Variants in AK8 observed in about 807,000 individuals in gnomAD.
The protein encoded by AK8 is adenylate kinase 8.
In AK8, 44 loss-of-function variants were observed where a neutral mutation model predicts 54.6. That is an observed-to-expected ratio of 0.81 (90% confidence interval 0.63 to 1.04). AK8 has a LOEUF of 1.04. AK8 is among the 50% of genes least tolerant of loss of function. AK8 has a pLI of 0.00. For synonymous variants in AK8, 239 were observed against 245.6 expected (o/e 0.97, Z 0.25); for missense variants, 555 against 613.6 (o/e 0.90, Z 1.01).
chr9:132,812,901 C>G, intron 10 of AK8, among the ~76,000 whole-genome samples: 1 of 130,798 alleles, frequency 7.6e-6, no homozygotes, highest in African/African-American at 2.9e-5. Context: ...TCACCTCATT[C>G]TGTGGCCACC....
intron 5 of AK8, among the ~76,000 whole-genome samples, chr9:132,830,055 AG>A (rs998272383): frequency 4.6e-5 from 7 of 152,152 alleles, no homozygotes; most frequent in African/African-American, 1.7e-4. Flanking sequence ...GGTTGTGGGG[AG>A]GGGAACCACA....
intron 2 of AK8, among the ~76,000 whole-genome samples, chr9:132,870,696 C>A (rs779675101): frequency 4.6e-5 from 7 of 152,248 alleles, no homozygotes; most frequent in Non-Finnish European, 8.8e-5. Flanking sequence ...GGCCTTCTTT[C>A]TCTCTACACC....
chr9:132,830,610 T>C (rs1324295297), intron 5 of AK8, among the ~76,000 whole-genome samples: 1 of 152,208 alleles, frequency 6.6e-6, no homozygotes, highest in Non-Finnish European at 1.5e-5. Context: ...CCCCTTGGGG[T>C]CGCATCCTTT....
At chr9:132,813,336 G>T (rs1012607988) in intron 10 of AK8, among the ~76,000 whole-genome samples, 2 of 152,160 alleles carry the variant, frequency 1.3e-5, no homozygotes, top group Admixed American at 1.3e-4. Context: ...CTCCCGGGGA[G>T]GCCCAAGCAG....
At chr9:132,862,029 T>G (rs1843409175) in intron 4 of AK8, among the ~76,000 whole-genome samples, 1 of 152,234 alleles carries the variant, frequency 6.6e-6, no homozygotes, top group Non-Finnish European at 1.5e-5. Flanking sequence ...TCTGTTGAAT[T>G]TTATAAAGCT....
At chr9:132,873,748 T>G (rs1299924896) in intron 2 of AK8, among the ~76,000 whole-genome samples, 1 of 152,012 alleles carries the variant, frequency 6.6e-6, no homozygotes, top group East Asian at 1.9e-4. Flanking sequence ...CAGGGGGGAA[T>G]GCAGGAACTA....
At chr9:132,857,089 C>T (rs573383460) in intron 4 of AK8, among the ~76,000 whole-genome samples, 1 of 152,106 alleles carries the variant, frequency 6.6e-6, no homozygotes, top group Non-Finnish European at 1.5e-5. Flanking sequence ...GCATCCAGTC[C>T]CTGGCTCCAA....
intron 11 of AK8, among the ~76,000 whole-genome samples, chr9:132,765,111 G>A (rs901231035): frequency 3.3e-5 from 5 of 151,544 alleles, no homozygotes; most frequent in Non-Finnish European, 1.5e-5. Context: ...TGGGCAACAC[G>A]GTGAAACCGC....
chr9:132,748,206 C>T (rs1045444616), intron 11 of AK8, among the ~76,000 whole-genome samples: 4 of 151,652 alleles, frequency 2.6e-5, no homozygotes, highest in South Asian at 2.1e-4. Flanking sequence ...GGTGATAACA[C>T]GTAGATAACC....
In AK8 at chr9:132,837,870, C is replaced by T. The variant is rs1241985598; in HGVS notation, c.403-9144G>A. Among the ~76,000 whole-genome samples the T allele has an allele frequency of 1.3e-5, 2 of 152,220 alleles. No individual in the cohort carries two copies. Among genetic ancestry groups the T allele is most frequent in the Non-Finnish European group, 1.5e-5 (1 of 68,046 alleles). ...TCAGAAGCCCTGCCTCGCCGTGATG[C>T]GGGCCATACGTTTCCTGAGTGGAAC... On this transcript the variant is annotated intron_variant, in intron 5 of 12. Transcript: ENST00000298545. The surrounding 1 kb of genome is among the most constrained non-coding windows in gnomAD (Gnocchi z 4.3).
intron 10 of AK8, among the ~76,000 whole-genome samples, chr9:132,812,325 G>A (rs928852786): frequency 1.1e-4 from 15 of 139,610 alleles, no homozygotes; most frequent in Admixed American, 3.0e-4. Flanking sequence ...CTGCCTCCCC[G>A]GTTCAAGCGA....
chr9:132,736,509 A>C (rs1837122182), intron 11 of AK8, among the ~76,000 whole-genome samples: 2 of 149,572 alleles, frequency 1.3e-5, no homozygotes, highest in South Asian at 4.3e-4. Flanking sequence ...AAAAGGAATA[A>C]AATTTGGGCT....
At chr9:132,776,569 C>T (rs896452566) in intron 11 of AK8, among the ~76,000 whole-genome samples, 1 of 152,238 alleles carries the variant, frequency 6.6e-6, no homozygotes, top group Non-Finnish European at 1.5e-5. Flanking sequence ...GAGGCCGTCC[C>T]TCAAACAGCT....
At chr9:132,868,045 C>T (rs1843672826) in intron 2 of AK8, among the ~76,000 whole-genome samples, 2 of 152,214 alleles carry the variant, frequency 1.3e-5, no homozygotes, top group Non-Finnish European at 2.9e-5. Context: ...CTGTCCCTCT[C>T]CTTGTGGGAA....
Position 132,839,820 on chromosome 9 carries a change from C to CCG in AK8, c.403-11095_403-11094insCG, listed in dbSNP as rs769748099. Reference sequence around the variant, plus strand: ...ATTGTAAAGAAAACATTTTTTTTGCCGGGGGGGGGGGCGCAGGGACGGAGC... The same window carrying CCG: ...ATTGTAAAGAAAACATTTTTTTTGCCCGGGGGGGGGGGGCGCAGGGACGGAGC... On this transcript the variant is annotated intron_variant, in intron 5 of 12. Coordinates refer to ENST00000298545, the MANE Select transcript of AK8 (RefSeq NM_152572.3). Among the ~76,000 whole-genome samples the CCG allele has an allele frequency of 5.4e-5, 4 of 73,714 alleles. 1 individual carries two copies. The highest frequency in any genetic ancestry group is 1.1e-4 in the Non-Finnish European group (4 of 37,890). 48.4% of individuals were successfully genotyped at this position (73,714 alleles called of 152,430 possible).
chr9:132,776,571 C>G (rs942284215), intron 11 of AK8, among the ~76,000 whole-genome samples: 15 of 152,230 alleles, frequency 9.9e-5, no homozygotes, highest in African/African-American at 3.1e-4. Context: ...GGCCGTCCCT[C>G]AAACAGCTGT....
intron 11 of AK8, among the ~76,000 whole-genome samples, chr9:132,738,699 C>T (rs1000496548): frequency 1.7e-4 from 25 of 150,554 alleles, no homozygotes; most frequent in African/African-American, 6.1e-4. Flanking sequence ...AGGAGATACA[C>T]TTGGTCATTG....
At chr9:132,828,120 T>A in intron 6 of AK8, 36 bp from the exon 7 acceptor site, 1 of 1,548,070 alleles carries the variant, frequency 6.5e-7, no homozygotes, top group Non-Finnish European at 8.8e-7. Context: ...ACCAGGCATG[T>A]CGGGCAGCGG....
intron 3 of AK8, among the ~76,000 whole-genome samples, chr9:132,864,158 TC>T (rs1290537124): frequency 2.6e-5 from 4 of 152,092 alleles, no homozygotes; most frequent in Non-Finnish European, 4.4e-5. Context: ...CACTCAGTGT[TC>T]TTTTTTTTTT....
Sources: allele counts gnomAD v4.1 joint callset (sites outside exome capture counted in the v4.1 genomes callset), GRCh38; gene constraint gnomAD v4.1.1; non-coding constraint Gnocchi (gnomAD v3.1); transcripts MANE v1.5; gene names NCBI Gene and HGNC (gene_info 2026-07-23, HGNC 2026-07-21).